KLF13: variants seen among roughly 807,000 people sequenced by gnomAD.
KLF13 encodes the protein KLF transcription factor 13.
In KLF13, 8 loss-of-function variants were observed where a neutral mutation model predicts 16.7. The observed-to-expected ratio is 0.48, with a 90% CI of 0.28 to 0.87. The LOEUF is 0.87. Ranked by LOEUF, KLF13 falls within the 40% of genes least tolerant of loss-of-function variation. KLF13 has a pLI of 0.10. For missense variants in KLF13, 447 were observed against 452.2 expected, an observed-to-expected ratio of 0.99 and a Z score of 0.10; for synonymous variants, 245 against 208.4, an observed-to-expected ratio of 1.18 and a Z score of -1.51.
intron 2 of KLF13, among the ~76,000 whole-genome samples, chr15:31,402,548 G>A (rs1388441634): frequency 1.3e-5 from 2 of 152,316 alleles, no homozygotes; most frequent in South Asian, 2.1e-4. Context: ...GAATGTCCCC[G>A]CTCTGGTGCA....
downstream of KLF13, among the ~76,000 whole-genome samples, chr15:31,379,229 A>T (rs12437800): frequency 6.6e-6 from 1 of 152,210 alleles, no homozygotes; most frequent in African/African-American, 2.4e-5. Context: ...CTGAACAGTC[A>T]TAAAAACAAG....
chr15:31,368,365 C>T (rs1349513495), intron 1 of KLF13, among the ~76,000 whole-genome samples: 1 of 152,140 alleles, frequency 6.6e-6, no homozygotes, highest in Non-Finnish European at 1.5e-5. Context: ...CGTTGTGAAT[C>T]TCCAAGAGTG....
At chr15:31,397,879 G>GGC (rs375298601) in intron 2 of KLF13, among the ~76,000 whole-genome samples, 1 of 149,558 alleles carries the variant, frequency 6.7e-6, no homozygotes, top group African/African-American at 2.5e-5. Flanking sequence ...GGCGGCGGGG[G>GGC]GGGTGGTGAT....
At chr15:31,343,138 C>T (rs1177005384) in intron 1 of KLF13, among the ~76,000 whole-genome samples, 1 of 152,234 alleles carries the variant, frequency 6.6e-6, no homozygotes, top group Non-Finnish European at 1.5e-5. Flanking sequence ...TCATGAGTGG[C>T]CTCTTCTCTC....
intron 1 of KLF13, among the ~76,000 whole-genome samples, chr15:31,341,418 T>A (rs2039019698): frequency 1.3e-5 from 2 of 152,096 alleles, no homozygotes; most frequent in African/African-American, 4.8e-5. Flanking sequence ...CCCCCTGCAG[T>A]ATTGTTCATG....
intron 1 of KLF13, among the ~76,000 whole-genome samples, chr15:31,423,117 A>ATATACGTATATATACGTATACG (rs2040353514): frequency 3.2e-5 from 4 of 126,934 alleles, no homozygotes; most frequent in Admixed American, 7.4e-5. Context: ...GTATACGTAT[A>ATATACGTATATATACGTATACG]TATACGTATA....
chr15:31,352,024 G>A lies in KLF13; in HGVS notation c.578-19986G>A, dbSNP rs573879504. Among the ~76,000 whole-genome samples the A allele has an allele frequency of 7.5e-4, 113 of 151,560 alleles. 1 individual carries two copies. The highest frequency in any genetic ancestry group is 1.4e-3 in the Non-Finnish European group (94 of 67,836). ...GAGACTCCGTGTCAAAAAAAAAAAA[G>A]GGAGGCGGGGGGAGTTTTGCAGTGA... On this transcript the variant is annotated intron_variant, in intron 1 of 1. Transcript: ENST00000307145.
intron 1 of KLF13, among the ~76,000 whole-genome samples, chr15:31,333,859 A>G (rs905169660): frequency 1.3e-5 from 2 of 152,158 alleles, no homozygotes; most frequent in African/African-American, 4.8e-5. Context: ...CACAATGTGG[A>G]TTGGTCTGAT....
intron 1 of KLF13, among the ~76,000 whole-genome samples, chr15:31,356,087 A>T (rs900142908): frequency 3.3e-5 from 5 of 152,140 alleles, no homozygotes; most frequent in Non-Finnish European, 7.3e-5. Context: ...TTACATGGGT[A>T]AATTGCATGT....
exon 2 of KLF13, chr15:31,435,545 C>T (rs968716930): frequency 8.5e-4 from 130 of 152,346 alleles, no homozygotes; most frequent in African/African-American, 3.1e-3. Context: ...TCTCCACCCC[C>T]AGACCTTCCG....
At chr15:31,383,399 T>G (rs1477669166) in intron 1 of KLF13, among the ~76,000 whole-genome samples, 2 of 152,178 alleles carry the variant, frequency 1.3e-5, no homozygotes, top group African/African-American at 2.4e-5. Context: ...GAACCTGGAT[T>G]ACAATGGAAA....
chr15:31,342,931 A>G (rs1404145733), intron 1 of KLF13, among the ~76,000 whole-genome samples: 1 of 152,204 alleles, frequency 6.6e-6, no homozygotes, highest in South Asian at 2.1e-4. Context: ...TAAGGAGAGC[A>G]TGGCCTTCCT....
upstream of KLF13, among the ~76,000 whole-genome samples, chr15:31,392,496 C>T (rs866876945): frequency 6.6e-6 from 1 of 152,160 alleles, no homozygotes. Flanking sequence ...TCCCCCGGGT[C>T]CCCTGCGCTC....
intron 1 of KLF13, among the ~76,000 whole-genome samples, chr15:31,345,447 C>A (rs568951459): frequency 4.6e-5 from 7 of 152,340 alleles, no homozygotes; most frequent in African/African-American, 1.7e-4. Context: ...CATTCGGGCA[C>A]CTGCCTGGAG....
intron 1 of KLF13, among the ~76,000 whole-genome samples, chr15:31,410,585 A>C (rs930574097): frequency 8.3e-4 from 4 of 4,814 alleles, no homozygotes; most frequent in African/African-American, 1.0e-3. Flanking sequence ...ACCAACCAAC[A>C]CACACACACA....
chr15:31,361,207 G>T (rs920242276), intron 1 of KLF13, among the ~76,000 whole-genome samples: 2 of 152,176 alleles, frequency 1.3e-5, no homozygotes, highest in Non-Finnish European at 2.9e-5. Context: ...CGCACTGTGG[G>T]TGGGTGCCCC....
chr15:31,391,024 G>A (rs2039857046), upstream of KLF13, among the ~76,000 whole-genome samples: 2 of 138,140 alleles, frequency 1.4e-5, 1 homozygote, highest in South Asian at 5.1e-4. Flanking sequence ...GTCAGGAAAG[G>A]ATGTACATTC....
intron 1 of KLF13, among the ~76,000 whole-genome samples, chr15:31,423,176 C>CGTATAT (rs149346729): frequency 5.9e-5 from 1 of 17,000 alleles, no homozygotes; most frequent in African/African-American, 5.1e-4. Context: ...TATATATATA[C>CGTATAT]ATATATACGT....
At chr15:31,368,414 A>T (rs2039509138) in intron 1 of KLF13, among the ~76,000 whole-genome samples, 1 of 152,118 alleles carries the variant, frequency 6.6e-6, no homozygotes, top group African/African-American at 2.4e-5. Context: ...AGTTGACAAA[A>T]TTTTTTTTCT....
Sources: gnomAD v4.1 joint callset for allele counts (sites outside exome capture counted in the v4.1 genomes callset) on GRCh38, gnomAD v4.1.1 for gene constraint, MANE v1.5 for transcripts, NCBI Gene and HGNC (gene_info 2026-07-23, HGNC 2026-07-21) for gene names.